CFAP74: variants seen among roughly 807,000 people sequenced by gnomAD.
The protein encoded by CFAP74 is cilia- and flagella-associated protein 74.
A neutral mutation model predicts 188.9 loss-of-function variants in CFAP74; 124 were observed. The observed-to-expected ratio is 0.66, with a 90% confidence interval of 0.57 to 0.76. CFAP74 has a LOEUF of 0.76. CFAP74 is among the 30% of genes least tolerant of loss of function. CFAP74 has a pLI of 0.00. For synonymous variants in CFAP74, 956 were observed against 916.7 expected (o/e 1.04, Z -0.77); for missense variants, 2,198 against 2,165.2 (o/e 1.02, Z -0.30).
At chr1:1,929,963 C>T in intron 26 of CFAP74, 97 bp downstream of exon 26, 2 of 1,330,972 alleles carry the variant, frequency 1.5e-6, no homozygotes, top group South Asian at 1.5e-5. Context: ...GGGTTGAAAC[C>T]CTGTGGTTAA....
At position 1,938,976 on chromosome 1, in the gene CFAP74, G is replaced by A. The variant is rs1488258417; in HGVS notation, c.2890C>T (p.Gln964Ter). ...FVRLPKFVDV[Q>*]PNDGFGTILP... ...ATCGTCCCAAACCCATCGTTGGGTTGGACGTCCACAAACTGGAAATAGAAG... is the reference window on the plus strand; with the variant it reads ...ATCGTCCCAAACCCATCGTTGGGTTAGACGTCCACAAACTGGAAATAGAAG... The change falls in exon 25 of 39, where the codon CAA becomes TAA. Residue 964 changes from glutamine (Q) to a stop codon, truncating the protein, a stop_gained. Coordinates refer to ENST00000682832, the MANE Select transcript of CFAP74 (RefSeq NM_001304360.2). LOFTEE classifies it high-confidence loss of function. The A allele has an allele frequency of 1.3e-6, 2 of 1,536,006 alleles. No individual in the cohort carries two copies. Among genetic ancestry groups the A allele is most frequent in the Admixed American group, 3.9e-5 (2 of 50,996 alleles).
intron 34 of CFAP74, 91 bp from the exon 35 acceptor site, chr1:1,924,020 C>A: frequency 7.4e-7 from 1 of 1,346,116 alleles, no homozygotes. Flanking sequence ...TACACCCTGC[C>A]CGCCCCCCTG....
chr1:1,934,467 GTGTA>G (rs1182689323), intron 25 of CFAP74, among the ~76,000 whole-genome samples: 2 of 133,270 alleles, frequency 1.5e-5, no homozygotes, highest in African/African-American at 2.8e-5. Context: ...GTACACAGGT[GTGTA>G]TGTGTGTTAG....
At chr1:1,970,914 C>T (rs1257120643) in intron 9 of CFAP74, 98 bp from the exon 10 acceptor site, 1 of 1,286,156 alleles carries the variant, frequency 7.8e-7, no homozygotes, top group Non-Finnish European at 1.1e-6. Context: ...CATACATGCA[C>T]ACGTGCACAC....
At chr1:1,947,905 G>A (rs1653882155) in intron 18 of CFAP74, among the ~76,000 whole-genome samples, 1 of 152,040 alleles carries the variant, frequency 6.6e-6, no homozygotes, top group Non-Finnish European at 1.5e-5. Context: ...CGGAGTCTCG[G>A]TCTGTCATCC....
chr1:1,939,916 C>T, intron 23 of CFAP74, 149 bp from the exon 24 acceptor site: 2 of 809,728 alleles, frequency 2.5e-6, no homozygotes, highest in Non-Finnish European at 3.8e-6. Context: ...ATAAAACCCA[C>T]TTCCCTGTGA....
At chr1:2,000,272 A>C (rs1365615746) in intron 1 of CFAP74, among the ~76,000 whole-genome samples, 2 of 152,260 alleles carry the variant, frequency 1.3e-5, no homozygotes, top group South Asian at 2.1e-4. Context: ...ATAAAGACAG[A>C]CAGCCCCACA....
Position 1,960,476 on chromosome 1 carries a change from G to A in CFAP74, c.1695-446C>T, listed in dbSNP as rs369460637. 2.6e-5 allele frequency among the ~76,000 whole-genome samples: 4 copies of A among 152,292 alleles called. No individual in the cohort carries two copies. In the South Asian group the frequency reaches 6.2e-4, roughly 24 times the overall value. ...GAGTCCTGAGACAGCTGGGACCCTC[G>A]GGACCCTCTCAGCCCCTTTCAGGGA... is the stretch of plus-strand genomic sequence containing the variant. On this transcript the variant is annotated intron_variant, in intron 14 of 38. Coordinates refer to ENST00000682832, the MANE Select transcript of CFAP74 (RefSeq NM_001304360.2).
chr1:1,959,174 CA>C lies in CFAP74; in HGVS notation c.1796del (p.Leu599TrpfsTer11). 1 of 1,612,326 alleles carries C rather than the reference CA, an allele frequency of 6.2e-7. No individual in the cohort carries two copies. Among genetic ancestry groups the C allele is most frequent in the Non-Finnish European group, 8.5e-7 (1 of 1,178,674 alleles). ...GAACTGAAAACTCGCCCGTCTGAGCCAAAAATGAGATATTTCCTTCTAGATC... is the reference window on the plus strand; with the variant it reads ...GAACTGAAAACTCGCCCGTCTGAGCCAAAATGAGATATTTCCTTCTAGATC... ...NKDLEGNISF[L>X]AQTGEFSVPL... On this transcript the variant is annotated frameshift_variant, in exon 16 of 39. Coordinates refer to ENST00000682832, the MANE Select transcript of CFAP74 (RefSeq NM_001304360.2). LOFTEE classifies it high-confidence loss of function.
chr1:1,932,039 C>A (rs1652427975), intron 25 of CFAP74, among the ~76,000 whole-genome samples: 1 of 138,182 alleles, frequency 7.2e-6, no homozygotes, highest in Admixed American at 7.6e-5. Flanking sequence ...GCACTCCAGT[C>A]TGGGTGACAG....
rs943599016 is a variant in CFAP74, at chr1:1,928,899, G to A, written c.3289-17C>T. ...CAGGCACCTCTGAGGAGAGACCAGC[G>A]TGGGCACAGGGGTTGCCACTTCCCT... On this transcript the variant is annotated splice_polypyrimidine_tract_variant and intron_variant, in intron 26 of 38. Transcript: ENST00000682832. 16 of 1,520,276 alleles carry A rather than the reference G, an allele frequency of 1.1e-5. No individual in the cohort carries two copies. The highest frequency in any genetic ancestry group is 1.7e-4 in the Middle Eastern group (1 of 5,970). 94.2% of individuals were successfully genotyped at this position (1,520,276 alleles called of 1,614,324 possible).
chr1:1,989,729 G>A (rs1395988270), intron 2 of CFAP74, among the ~76,000 whole-genome samples: 1 of 152,242 alleles, frequency 6.6e-6, no homozygotes, highest in African/African-American at 2.4e-5. Context: ...CCCAAGTGCT[G>A]GGATGACAGG....
intron 26 of CFAP74, among the ~76,000 whole-genome samples, chr1:1,929,380 G>A (rs1215290915): frequency 2.2e-5 from 1 of 45,396 alleles, no homozygotes. Context: ...GGGAGAGGGT[G>A]GGGGGAGGGT....
intron 25 of CFAP74, among the ~76,000 whole-genome samples, chr1:1,931,653 C>T (rs1370064391): frequency 3.5e-5 from 5 of 144,644 alleles, no homozygotes; most frequent in African/African-American, 1.3e-4. Context: ...AGAAGAATGG[C>T]GTGAACCCAG....
chr1:1,948,412 A>AATATATATATATATATATATATAT, intron 18 of CFAP74, among the ~76,000 whole-genome samples: 1 of 144,408 alleles, frequency 6.9e-6, no homozygotes, highest in African/African-American at 2.6e-5. Context: ...GGCATATATA[A>AATATATATATATATATATATATAT]ATATATATAT....
At chr1:1,981,893 G>A (rs1165562133) in intron 6 of CFAP74, among the ~76,000 whole-genome samples, 5 of 72,326 alleles carry the variant, frequency 6.9e-5, no homozygotes, top group Admixed American at 4.3e-4. Flanking sequence ...ACACACAGCC[G>A]CGGACAGACA....
At chr1:1,993,417 C>T (rs1657712629) in intron 1 of CFAP74, among the ~76,000 whole-genome samples, 1 of 151,488 alleles carries the variant, frequency 6.6e-6, no homozygotes, top group African/African-American at 2.4e-5. Flanking sequence ...CCCAAAGGAG[C>T]TGGGACTACA....
At chr1:1,993,960 C>T (rs538445541) in intron 1 of CFAP74, among the ~76,000 whole-genome samples, 54 of 150,252 alleles carry the variant, frequency 3.6e-4, no homozygotes, top group South Asian at 2.5e-3. Flanking sequence ...CCAGCCTGGG[C>T]GACAGAGCAA....
intron 1 of CFAP74, among the ~76,000 whole-genome samples, chr1:2,000,494 A>G (rs984795489): frequency 6.6e-6 from 1 of 152,170 alleles, no homozygotes; most frequent in Non-Finnish European, 1.5e-5. Context: ...CGGGGTCGCC[A>G]TAACAAAGTA....
Sources: gnomAD v4.1 joint callset for allele counts (sites outside exome capture counted in the v4.1 genomes callset) on GRCh38, gnomAD v4.1.1 for gene constraint, MANE v1.5 for transcripts, NCBI Gene and HGNC (gene_info 2026-07-23, HGNC 2026-07-21) for gene names.